USP24: variants seen among roughly 807,000 people sequenced by gnomAD.
USP24 encodes ubiquitin carboxyl-terminal hydrolase 24.
Under a neutral mutation model 361.6 loss-of-function variants are expected in USP24, and 97 were observed. The ratio of observed to expected loss-of-function variants is 0.27; its 90% CI spans 0.23 to 0.32. The LOEUF is 0.32. USP24 is among the 10% of genes least tolerant of loss of function. The pLI, the probability that USP24 is intolerant of heterozygous loss-of-function variation, is 1.00. For synonymous variants in USP24, 1,098 were observed against 1,124.6 expected, an observed-to-expected ratio of 0.98 and a Z score of 0.47; for missense variants, 2,353 against 3,165.6, an observed-to-expected ratio of 0.74 and a Z score of 6.16.
rs1645501298 is a variant in USP24 at position 55,096,592 on chromosome 1, A to G, written c.5967T>C (p.Phe1989=). The change falls in exon 50 of 68, where the codon TTT becomes TTC. Residue 1989 remains phenylalanine, a synonymous_variant. Coordinates refer to ENST00000294383, the MANE Select transcript of USP24 (RefSeq NM_015306.3). The stretch of plus-strand genomic sequence containing the variant: ...CAAATTCTTCTATAACTGTGTCATT[A>G]AATTTATACCACTTTCCTTTTCCAC... ...RGCGKGKWYK[F]NDTVIEEFDL... 2.5e-6 allele frequency: 4 copies of G among 1,612,750 alleles called. No individual in the cohort carries two copies. The highest frequency in any genetic ancestry group is 1.3e-5 in the African/African-American group (1 of 74,882).
intron 56 of USP24, chr1:55,084,323 C>T (rs143358952): frequency 6.8e-4 from 107 of 157,042 alleles, no homozygotes; most frequent in Middle Eastern, 3.1e-3. Context: ...GAAACCAAGC[C>T]GATGGAGCAA....
chr1:55,071,741 C>CTGTGGAAATTCTT, intron 67 of USP24, 73 bp downstream of exon 67: 1 of 1,421,554 alleles, frequency 7.0e-7, no homozygotes, highest in Non-Finnish European at 9.7e-7. Flanking sequence ...TTTCCCTCAG[C>CTGTGGAAATTCTT]TGTGGAAATT....
At chr1:55,166,497 A>G in intron 6 of USP24, 71 bp downstream of exon 6, 1 of 1,399,126 alleles carries the variant, frequency 7.1e-7, no homozygotes, top group Non-Finnish European at 9.8e-7. Context: ...TGCTTAATAT[A>G]CCAAACTCTA....
intron 41 of USP24, among the ~76,000 whole-genome samples, chr1:55,105,229 C>T (rs1183202097): frequency 6.6e-6 from 1 of 152,172 alleles, no homozygotes; most frequent in Non-Finnish European, 1.5e-5. Flanking sequence ...TACCATAGAC[C>T]TAGCACCAAA....
intron 45 of USP24, 122 bp downstream of exon 45, chr1:55,099,648 CT>C: frequency 1.4e-6 from 1 of 692,322 alleles, no homozygotes; most frequent in Non-Finnish European, 2.5e-6. Flanking sequence ...CATTATAGTT[CT>C]TATGTTAAAG....
chr1:55,191,306 A>G (rs1341591731), intron 1 of USP24, among the ~76,000 whole-genome samples: 3 of 152,200 alleles, frequency 2.0e-5, no homozygotes, highest in African/African-American at 7.2e-5. Context: ...TACTTCCTAA[A>G]TATGTAATTT....
intron 1 of USP24, 98 bp downstream of exon 1, chr1:55,214,692 T>G: frequency 1.0e-6 from 1 of 998,212 alleles, no homozygotes; most frequent in Non-Finnish European, 1.2e-6. Context: ...CCCAGTCGAA[T>G]GCCCTCTCTC....
At chr1:55,079,791 ACT>A (rs72019614) in intron 59 of USP24, 132 bp from the exon 60 acceptor site, 1,139 of 1,068,376 alleles carry the variant, frequency 1.1e-3, no homozygotes, top group Non-Finnish European at 1.3e-3. Context: ...GTACTCACAC[ACT>A]GAGTACTCAC....
chr1:55,177,917 G>A (rs1420383427), intron 2 of USP24, 50 bp downstream of exon 2: 6 of 1,507,962 alleles, frequency 4.0e-6, no homozygotes, highest in East Asian at 4.9e-5. Context: ...TTAAACTCAG[G>A]CCTTCTATGA....
Position 55,191,522 on chromosome 1 carries a change from G to A in USP24, c.325-13390C>T, listed in dbSNP as rs1644287980. 2.8e-5 allele frequency among the ~76,000 whole-genome samples: 4 copies of A among 141,924 alleles called. No individual in the cohort carries two copies. The South Asian group carries it at 6.6e-4, about 23-fold the overall frequency. 93.1% of individuals were successfully genotyped at this position (141,924 alleles called of 152,430 possible). On this transcript the variant is annotated intron_variant, in intron 1 of 67. Transcript: ENST00000294383. Reference sequence around the variant, plus strand: ...TTTTTTTTTTTTGAGATGGAGTCTCGCTCTGTCACCCACACTGGAGTGCAG... The same window carrying A: ...TTTTTTTTTTTTGAGATGGAGTCTCACTCTGTCACCCACACTGGAGTGCAG...
In USP24 at chr1:55,107,424, T is replaced by C. The variant is rs781698853; in HGVS notation, c.4577A>G (p.Glu1526Gly). 7 of 1,589,818 alleles carry C rather than the reference T, an allele frequency of 4.4e-6. No individual in the cohort carries two copies. Among genetic ancestry groups the C allele is most frequent in the Non-Finnish European group, 8.5e-7 (1 of 1,171,416 alleles). The change falls in exon 40 of 68, where the codon GAA (glutamate) becomes GGA (glycine). Residue 1526 changes from glutamate to glycine, a missense_variant. Glu to Gly is a moderately conservative substitution (Grantham distance 98, BLOSUM62 -2). Coordinates refer to ENST00000294383, the MANE Select transcript of USP24 (RefSeq NM_015306.3). ...TGGGCTGATCCTTAACTGCTCCATT[T>C]CTGAAGCTAAGAAGGAAAAAAAAAA... ...CQLLDDLTTS[E>G]MEQLRISPAT...
rs529518642 is a variant in USP24 at position 55,149,882 on chromosome 1, A to G, written c.1861-1312T>C. On this transcript the variant is annotated intron_variant, in intron 16 of 67. Coordinates refer to ENST00000294383, the MANE Select transcript of USP24 (RefSeq NM_015306.3). ...TAAATGTTATCAAAAAGATTACACT[A>G]TAATGCAACACTAACTAACCAGTTG... Among the ~76,000 whole-genome samples, 58 of 152,356 alleles carry G rather than the reference A, an allele frequency of 3.8e-4. No individual in the cohort carries two copies. In the South Asian group the frequency reaches 6.2e-3, roughly 16 times the overall value.
intron 3 of USP24, among the ~76,000 whole-genome samples, chr1:55,174,919 T>G (rs1389014539): frequency 6.6e-6 from 1 of 152,236 alleles, no homozygotes; most frequent in African/African-American, 2.4e-5. Context: ...TGCGAAGCAC[T>G]GGGCCTAGCC....
chr1:55,159,259 G>A (rs937121355), intron 9 of USP24, among the ~76,000 whole-genome samples: 4 of 152,150 alleles, frequency 2.6e-5, no homozygotes, highest in Non-Finnish European at 4.4e-5. Flanking sequence ...GACAAAATAA[G>A]TCATATTAAA....
At chr1:55,111,944 CAATT>C (rs1165173305) in intron 38 of USP24, among the ~76,000 whole-genome samples, 1 of 151,926 alleles carries the variant, frequency 6.6e-6, no homozygotes, top group African/African-American at 2.4e-5. Flanking sequence ...TTAATACACA[CAATT>C]AATCCTGTAA....
intron 17 of USP24, among the ~76,000 whole-genome samples, chr1:55,148,248 TA>T (rs1177494131): frequency 8.7e-6 from 1 of 115,524 alleles, no homozygotes; most frequent in East Asian, 2.2e-4. Context: ...ATTAAGCAAA[TA>T]AAAAGAAAAT....
intron 36 of USP24, 95 bp downstream of exon 36, chr1:55,123,352 A>G: frequency 1.5e-6 from 2 of 1,361,704 alleles, no homozygotes; most frequent in Non-Finnish European, 1.9e-6. Context: ...CATTTTGACC[A>G]ATGGGACCTT....
chr1:55,110,225 C>G lies in USP24; in HGVS notation c.4530G>C (p.Glu1510Asp). 1 of 1,550,700 alleles carries G rather than the reference C, an allele frequency of 6.4e-7. No homozygotes were observed. Among genetic ancestry groups the G allele is most frequent in the Non-Finnish European group, 8.7e-7 (1 of 1,146,610 alleles). The change falls in exon 39 of 68, where the codon GAG becomes GAC. Residue 1510 changes from glutamate (E) to aspartate (D), a missense_variant. By Grantham distance (45) the Glu-to-Asp change is conservative. Transcript: ENST00000294383. ...VNQRLLSQCMEYFDLRCQLLD... is the reference protein window; with the variant it reads ...VNQRLLSQCMDYFDLRCQLLD... Reference sequence around the variant, plus strand: ...ATAACTGGCATCTCAAATCAAAATACTCCATACACTGAGATAACAGTCTAA... The same window carrying G: ...ATAACTGGCATCTCAAATCAAAATAGTCCATACACTGAGATAACAGTCTAA...
chr1:55,080,830 C>T lies in USP24; in HGVS notation c.7078+492G>A, dbSNP rs1570354661. The stretch of plus-strand genomic sequence containing the variant: ...GGAAAATGCTACCAACTGTATCTTA[C>T]ATTCAAATATATTTCAATGATGTAA... On this transcript the variant is annotated intron_variant, in intron 59 of 67. Coordinates refer to ENST00000294383, the MANE Select transcript of USP24 (RefSeq NM_015306.3). Among the ~76,000 whole-genome samples the T allele has an allele frequency of 2.0e-5, 3 of 152,318 alleles. No homozygotes were observed. In the South Asian group the frequency reaches 6.2e-4, roughly 32 times the overall value.
Sources: allele counts gnomAD v4.1 joint callset (sites outside exome capture counted in the v4.1 genomes callset), GRCh38; gene constraint gnomAD v4.1.1; transcripts MANE v1.5; gene names NCBI Gene and HGNC (gene_info 2026-07-23, HGNC 2026-07-21).